The following KIF5A variants were observed in gnomAD, a reference collection of about 807,000 sequenced individuals.
KIF5A encodes kinesin heavy chain isoform 5A.
Under a neutral mutation model 141.3 loss-of-function variants are expected in KIF5A, and 35 were observed. The observed-to-expected ratio is 0.25, with a 90% CI of 0.19 to 0.33. The LOEUF is 0.33. Among genes scored for constraint, KIF5A ranks in the 10% least tolerant of loss-of-function variants. KIF5A has a pLI of 1.00. For synonymous variants in KIF5A, 448 were observed against 500.2 expected, an observed-to-expected ratio of 0.90 and a Z score of 1.39; for missense variants, 861 against 1,314.3, an observed-to-expected ratio of 0.66 and a Z score of 5.33.
rs923503057 is a variant in KIF5A at position 57,550,364 on chromosome 12, C to G, written c.93C>G (p.Ile31Met). The G allele has an allele frequency of 1.2e-6, 2 of 1,614,174 alleles. No homozygotes were observed. Among genetic ancestry groups the G allele is most frequent in the Non-Finnish European group, 1.7e-6 (2 of 1,180,012 alleles). ...AGATTCTGCGGGGAGACAAGTTCAT[C>G]CCCATTTTCCAAGGGGACGACAGCG... The part of the protein sequence containing the change: ...QAEILRGDKF[I>M]PIFQGDDSVV... Residue 31 changes from isoleucine (I) to methionine (M), a missense_variant, in exon 1 of 29, where the codon ATC becomes ATG. Around this residue, in one of 5 missense-constraint regions of KIF5A, gnomAD observed 59 missense variants for 81.1 expected, o/e 0.73. Coordinates refer to ENST00000455537, the MANE Select transcript of KIF5A (RefSeq NM_004984.4). This position sits in a 1 kb window ranked among gnomAD's most constrained non-coding sequence, Gnocchi z 4.6.
chr12:57,573,309 C>T (rs191845678), intron 15 of KIF5A, among the ~76,000 whole-genome samples: 4 of 152,206 alleles, frequency 2.6e-5, no homozygotes, highest in East Asian at 1.9e-4. Flanking sequence ...ACAGGCGGAT[C>T]GCTTGAGCCC....
chr12:57,564,763 G>A (rs1240907169), intron 5 of KIF5A, among the ~76,000 whole-genome samples, 155 bp from the exon 6 acceptor site: 1 of 152,186 alleles, frequency 6.6e-6, no homozygotes, highest in Non-Finnish European at 1.5e-5. Context: ...AGAAGGAGGA[G>A]GAACTGAGCC....
At chr12:57,565,823 C>A (rs1409973748) in intron 6 of KIF5A, among the ~76,000 whole-genome samples, 1 of 151,452 alleles carries the variant, frequency 6.6e-6, no homozygotes, top group Admixed American at 6.6e-5. Flanking sequence ...CGGGGTTTCA[C>A]CATGTTGGCC....
In KIF5A at chr12:57,571,068, T is replaced by C. The variant is rs528362225; in HGVS notation, c.1294-253T>C. Among the ~76,000 whole-genome samples the C allele has an allele frequency of 2.9e-4, 44 of 151,854 alleles. 1 individual carries two copies. The highest frequency in any genetic ancestry group is 8.0e-4 in the African/African-American group (33 of 41,398). On this transcript the variant is annotated intron_variant, in intron 12 of 28. Transcript: ENST00000455537. ...CTCCCGCCTTGGCCTTTCAATGCGC[T>C]GGGATTAAAGGCATGCACCACCAGG...
chr12:57,583,671 G>A (rs1416588425), intron 28 of KIF5A, among the ~76,000 whole-genome samples: 1 of 152,132 alleles, frequency 6.6e-6, no homozygotes, highest in African/African-American at 2.4e-5. Context: ...TTTGCTTCAC[G>A]CCTGCACCTG....
chr12:57,562,124 G>C (rs1056777081), intron 1 of KIF5A, among the ~76,000 whole-genome samples: 3 of 152,202 alleles, frequency 2.0e-5, no homozygotes, highest in African/African-American at 7.2e-5. Context: ...TAAGTTGTAA[G>C]TATTTTGTGT....
At chr12:57,560,454 T>C (rs1444629283) in intron 1 of KIF5A, among the ~76,000 whole-genome samples, 2 of 152,192 alleles carry the variant, frequency 1.3e-5, no homozygotes, top group African/African-American at 4.8e-5. Context: ...AATTGTTATA[T>C]GGATGTACTC....
chr12:57,582,770 T>G (rs1882646075), intron 27 of KIF5A, 141 bp downstream of exon 27: 1 of 771,284 alleles, frequency 1.3e-6, no homozygotes, highest in African/African-American at 1.7e-5. Context: ...ATCACTGTGT[T>G]GTCCAGGAGA....
At chr12:57,556,002 C>T (rs1415523855) in intron 1 of KIF5A, among the ~76,000 whole-genome samples, 3 of 151,858 alleles carry the variant, frequency 2.0e-5, no homozygotes, top group Non-Finnish European at 4.4e-5. Context: ...CATAAAGAGC[C>T]AGGCTTGGAA....
At chr12:57,569,465 G>A (rs529644945) in intron 10 of KIF5A, 61 bp downstream of exon 10, 1 of 1,612,882 alleles carries the variant, frequency 6.2e-7, no homozygotes, top group South Asian at 1.1e-5. Flanking sequence ...AGCCTCTGCG[G>A]CTCTCTCTCC....
rs1253754700 is a variant in KIF5A, at chr12:57,568,832, CA to C, written c.715-129del. 4 of 707,132 alleles carry C rather than the reference CA, an allele frequency of 5.7e-6. No individual in the cohort carries two copies. In the African/African-American group the frequency reaches 7.0e-5, roughly 12 times the overall value. The allele number at this position is 707,132 out of a possible 1,614,324, so 43.8% of individuals were successfully genotyped here. A position where few individuals can be genotyped will look rare whatever the true frequency, so the allele number is the denominator to read the frequency against. ...AGGAAGGGCCTTCCCCAATCCCAGC[CA>C]AGCATCTCTGTTACTCCATCTTCTT... On this transcript the variant is annotated intron_variant, in intron 8 of 28. Coordinates refer to ENST00000455537, the MANE Select transcript of KIF5A (RefSeq NM_004984.4).
chr12:57,574,794 G>C (rs377292409), intron 15 of KIF5A, among the ~76,000 whole-genome samples: 51 of 151,956 alleles, frequency 3.4e-4, no homozygotes, highest in African/African-American at 1.2e-3. Context: ...TGTTGGTCAG[G>C]CTGGTCTCGA....
chr12:57,563,791 T>A, intron 3 of KIF5A, 98 bp downstream of exon 3: 1 of 1,126,398 alleles, frequency 8.9e-7, no homozygotes, highest in Non-Finnish European at 1.4e-6. Flanking sequence ...GATTGCCTGG[T>A]CCAGAGGCAG....
chr12:57,578,173 G>A, intron 22 of KIF5A, 65 bp from the exon 23 acceptor site: 1 of 1,582,650 alleles, frequency 6.3e-7, no homozygotes, highest in Middle Eastern at 1.7e-4. Context: ...GGCTGGCTTG[G>A]CCTGGTCTTG....
intron 1 of KIF5A, among the ~76,000 whole-genome samples, chr12:57,554,236 T>A (rs1881665737): frequency 6.6e-6 from 1 of 152,214 alleles, no homozygotes; most frequent in South Asian, 2.1e-4. Flanking sequence ...CTCAGCCATG[T>A]GACTGTGGGG....
intron 24 of KIF5A, 83 bp from the exon 25 acceptor site, chr12:57,581,332 T>G (rs1882592002): frequency 1.9e-6 from 3 of 1,588,858 alleles, no homozygotes; most frequent in Non-Finnish European, 2.6e-6. Flanking sequence ...GCAACTCAGT[T>G]CAACCCCAGC....
At chr12:57,569,851 A>G in intron 11 of KIF5A, 136 bp from the exon 12 acceptor site, 2 of 1,362,394 alleles carry the variant, frequency 1.5e-6, no homozygotes, top group East Asian at 2.4e-5. Context: ...GGGCCTGACT[A>G]CCTACCTCCC....
intron 4 of KIF5A, 124 bp downstream of exon 4, chr12:57,564,336 A>C: frequency 1.8e-6 from 2 of 1,085,498 alleles, no homozygotes; most frequent in Non-Finnish European, 2.9e-6. Context: ...GTTCTTTGTC[A>C]AGATGTTCTC....
chr12:57,567,330 C>T, intron 7 of KIF5A, 117 bp downstream of exon 7: 2 of 1,249,844 alleles, frequency 1.6e-6, no homozygotes, highest in Non-Finnish European at 2.3e-6. Context: ...AGGAGGAGGA[C>T]CCCTTGTCTG....
Sources: allele counts gnomAD v4.1 joint callset (sites outside exome capture counted in the v4.1 genomes callset), GRCh38; gene constraint gnomAD v4.1.1; regional missense constraint gnomAD v4.1.1; non-coding constraint Gnocchi (gnomAD v3.1); transcripts MANE v1.5; gene names NCBI Gene and HGNC (gene_info 2026-07-23, HGNC 2026-07-21).